The following PLB1 variants were observed in gnomAD, a reference collection of about 807,000 sequenced individuals.
PLB1 encodes the protein phospholipase B1, membrane-associated.
A neutral mutation model predicts 227.4 loss-of-function variants in PLB1; 242 were observed. That is an observed-to-expected ratio of 1.06 (90% CI 0.96 to 1.18). PLB1 has a LOEUF of 1.18. PLB1 is among the 50% of genes most tolerant of loss of function. PLB1 has a pLI of 0.00. For synonymous variants in PLB1, 757 were observed against 682.2 expected (o/e 1.11, Z -1.71); for missense variants, 1,858 against 1,816.3 (o/e 1.02, Z -0.42).
chr2:28,634,543 T>C (rs1689072374), intron 56 of PLB1, among the ~76,000 whole-genome samples: 1 of 152,174 alleles, frequency 6.6e-6, no homozygotes, highest in Admixed American at 6.5e-5. Flanking sequence ...AGGAATCTCC[T>C]GGGGCTGGAT....
intron 47 of PLB1, 99 bp from the exon 48 acceptor site, chr2:28,620,501 A>G (rs1050051258): frequency 1.4e-6 from 2 of 1,464,554 alleles, no homozygotes; most frequent in African/African-American, 2.8e-5. Context: ...GAGACGCCCC[A>G]GGGGCCCAGA....
chr2:28,634,008 A>C (rs999360706), intron 56 of PLB1, among the ~76,000 whole-genome samples: 5 of 151,954 alleles, frequency 3.3e-5, no homozygotes, highest in African/African-American at 9.7e-5. Flanking sequence ...CCAGCATCCC[A>C]CTCGGCTGAC....
At chr2:28,556,068 G>A (rs1675060939) in intron 17 of PLB1, among the ~76,000 whole-genome samples, 1 of 151,840 alleles carries the variant, frequency 6.6e-6, no homozygotes, top group South Asian at 2.1e-4. Context: ...TCACTATGTT[G>A]CCCGGGCTGG....
rs1686911860 is a variant in PLB1 at position 28,620,651 on chromosome 2, G to C, written c.3427+8G>C. 1.2e-6 allele frequency: 2 copies of C among 1,613,806 alleles called. No individual in the cohort carries two copies. Among genetic ancestry groups the C allele is most frequent in the African/African-American group, 2.7e-5 (2 of 74,890 alleles). On this transcript the variant is annotated splice_region_variant and intron_variant, in intron 48 of 57. Coordinates refer to ENST00000327757, the MANE Select transcript of PLB1 (RefSeq NM_153021.5). ...CTCACACCACACTGCCCAGTAAGTA[G>C]CAGCCCAGAGAGGCACCATCACTGT... is the stretch of plus-strand genomic sequence containing the variant.
intron 1 of PLB1, among the ~76,000 whole-genome samples, chr2:28,514,726 G>A (rs1193855736): frequency 1.3e-5 from 2 of 152,162 alleles, no homozygotes; most frequent in African/African-American, 4.8e-5. Flanking sequence ...TTGGGCATGT[G>A]GCTTACACTT....
chr2:28,638,049 A>G (rs570247877), intron 56 of PLB1, among the ~76,000 whole-genome samples: 1 of 152,238 alleles, frequency 6.6e-6, no homozygotes, highest in South Asian at 2.1e-4. Flanking sequence ...ACAAGTATTT[A>G]CTGAGCACTA....
At chr2:28,642,794 TCTTGG>T (rs1690115142) in intron 57 of PLB1, 59 bp from the exon 58 acceptor site, 1 of 1,405,348 alleles carries the variant, frequency 7.1e-7, no homozygotes. Context: ...ACTAGGCAAG[TCTTGG>T]CTTGGTGATG....
chr2:28,550,329 T>C (rs865817766), intron 16 of PLB1, among the ~76,000 whole-genome samples: 51 of 145,044 alleles, frequency 3.5e-4, no homozygotes, highest in African/African-American at 1.2e-3. Flanking sequence ...CACACCACCA[T>C]GCCTGGCTAA....
intron 19 of PLB1, 200 bp from the exon 20 acceptor site, chr2:28,566,596 T>G (rs1676947915): frequency 9.1e-6 from 5 of 546,676 alleles, no homozygotes; most frequent in African/African-American, 1.9e-5. Context: ...TGGCGTTTTG[T>G]TTGGATGTGC....
At chr2:28,531,084 G>A (rs1670948726) in intron 8 of PLB1, among the ~76,000 whole-genome samples, 2 of 152,108 alleles carry the variant, frequency 1.3e-5, no homozygotes, top group African/African-American at 4.8e-5. Flanking sequence ...AAAAAGCAAA[G>A]TTTGTTTTCT....
rs1469613909 is a variant in PLB1 at position 28,553,730 on chromosome 2, C to T, written c.1147+739C>T. On this transcript the variant is annotated intron_variant, in intron 17 of 57. Transcript: ENST00000327757. ...GGACTCACGTGTCCATTTATTTGTT[C>T]GTTTATTTACTCATTTGTGTGTTAG... is the stretch of plus-strand genomic sequence containing the variant. Among the ~76,000 whole-genome samples, 6 of 152,146 alleles carry T rather than the reference C, an allele frequency of 3.9e-5. No individual in the cohort carries two copies. The South Asian group carries it at 6.2e-4, about 16-fold the overall frequency.
chr2:28,628,172 G>A (rs942726388), intron 51 of PLB1, among the ~76,000 whole-genome samples: 7 of 152,174 alleles, frequency 4.6e-5, no homozygotes, highest in African/African-American at 1.7e-4. Context: ...GGACCAGCAT[G>A]GACCAAAGCC....
chr2:28,613,793 C>T (rs570003926), intron 43 of PLB1, among the ~76,000 whole-genome samples: 1 of 152,128 alleles, frequency 6.6e-6, no homozygotes, highest in Non-Finnish European at 1.5e-5. Flanking sequence ...AAGCACAGAC[C>T]CCAGACTACA....
intron 25 of PLB1, among the ~76,000 whole-genome samples, chr2:28,583,082 T>C (rs1680321004): frequency 6.6e-6 from 1 of 152,112 alleles, no homozygotes; most frequent in Non-Finnish European, 1.5e-5. Context: ...AGAGGACGTC[T>C]TCACCCCTCA....
At chr2:28,640,539 G>C (rs1196323087) in intron 56 of PLB1, among the ~76,000 whole-genome samples, 1 of 152,126 alleles carries the variant, frequency 6.6e-6, no homozygotes. Context: ...TAGGATTGTC[G>C]TCGTTTTATA....
intron 55 of PLB1, among the ~76,000 whole-genome samples, chr2:28,632,480 A>G (rs1391744805): frequency 6.6e-6 from 1 of 152,168 alleles, no homozygotes. Context: ...GGTGGGTCCA[A>G]TTCTTGTCTG....
chr2:28,636,427 A>G (rs940947122), intron 56 of PLB1, among the ~76,000 whole-genome samples: 1 of 152,210 alleles, frequency 6.6e-6, no homozygotes, highest in Non-Finnish European at 1.5e-5. Flanking sequence ...GGTATATTTA[A>G]TAATGCTGAA....
intron 6 of PLB1, among the ~76,000 whole-genome samples, chr2:28,526,625 A>T (rs749566272): frequency 6.6e-6 from 1 of 152,174 alleles, no homozygotes; most frequent in Non-Finnish European, 1.5e-5. Context: ...GCCTAGCGGG[A>T]TGTTAGTCTC....
At chr2:28,516,074 G>T (rs375192083) in intron 1 of PLB1, among the ~76,000 whole-genome samples, 2 of 152,216 alleles carry the variant, frequency 1.3e-5, no homozygotes, top group African/African-American at 4.8e-5. Context: ...TAAATTTAGG[G>T]TGCTGTTAAT....
Sources: allele counts gnomAD v4.1 joint callset (sites outside exome capture counted in the v4.1 genomes callset), GRCh38; gene constraint gnomAD v4.1.1; transcripts MANE v1.5; gene names NCBI Gene and HGNC (gene_info 2026-07-23, HGNC 2026-07-21).